The following MTOR variants were observed in gnomAD, a reference collection of about 807,000 sequenced individuals.
The protein encoded by MTOR is mechanistic target of rapamycin kinase.
Under a neutral mutation model 319.8 loss-of-function variants are expected in MTOR, and 70 were observed. That is an observed-to-expected ratio of 0.22 (90% confidence interval 0.18 to 0.27). The LOEUF (loss-of-function observed/expected upper bound fraction) is 0.27, where lower values mean the gene tolerates loss of function less well. MTOR is among the 10% of genes least tolerant of loss of function. The probability of loss-of-function intolerance (pLI) is 1.00; values close to 1 mark genes in which losing one functional copy is unlikely to be tolerated. For synonymous variants in MTOR, 1,183 were observed against 1,211.4 expected (o/e 0.98, Z 0.49); for missense variants, 1,890 against 3,274.4 (o/e 0.58, Z 10.32).
Position 11,216,699 on chromosome 1 carries a change from G to A in MTOR, c.3031-465C>T, listed in dbSNP as rs370845527. ...CACAAACTTAAATGGTGATAGTGGT[G>A]GGGACTCAAAACAATTGTCAGAGGT... On this transcript the variant is annotated intron_variant, in intron 19 of 57. Transcript: ENST00000361445. Among the ~76,000 whole-genome samples the A allele has an allele frequency of 3.2e-4, 48 of 151,916 alleles. No individual in the cohort carries two copies. In the South Asian group the frequency reaches 7.9e-3, roughly 25 times the overall value.
At chr1:11,114,716 A>G in intron 52 of MTOR, 97 bp downstream of exon 52, 1 of 1,268,154 alleles carries the variant, frequency 7.9e-7, no homozygotes, top group African/African-American at 1.5e-5. Flanking sequence ...TCACAAAGGC[A>G]CTTTGGAGAA....
rs1442424683 is a variant in MTOR, at chr1:11,109,907, A to G, written c.7367-178T>C. 6.6e-6 allele frequency among the ~76,000 whole-genome samples: 1 copy of G among 152,008 alleles called. No homozygotes were observed. Reference sequence around the variant, plus strand: ...TGTATTTCAAAGTTTTAAGCTGGACATAGCTGTAATCTCAGCTACTCAAGA... The same window carrying G: ...TGTATTTCAAAGTTTTAAGCTGGACGTAGCTGTAATCTCAGCTACTCAAGA... On this transcript the variant is annotated intron_variant, in intron 54 of 57. Coordinates refer to ENST00000361445, the MANE Select transcript of MTOR (RefSeq NM_004958.4). This position sits in a 1 kb window ranked among gnomAD's most constrained non-coding sequence, Gnocchi z 4.0.
At position 11,114,461 on chromosome 1, in the gene MTOR, T is replaced by G. The variant is rs1189369986; in HGVS notation, c.7165-8A>C. The G allele has an allele frequency of 6.2e-7, 1 of 1,614,110 alleles. No homozygotes were observed. Among genetic ancestry groups the G allele is most frequent in the Admixed American group, 1.7e-5 (1 of 60,016 alleles). On this transcript the variant is annotated splice_region_variant and splice_polypyrimidine_tract_variant and intron_variant, in intron 52 of 57. Coordinates refer to ENST00000361445, the MANE Select transcript of MTOR (RefSeq NM_004958.4). Reference sequence around the variant, plus strand: ...GCCATCCAGGCCTGTAACCTAGAAATGGGACAGAGCCACTCACCACAGGAG... The same window carrying G: ...GCCATCCAGGCCTGTAACCTAGAAAGGGGACAGAGCCACTCACCACAGGAG...
intron 36 of MTOR, among the ~76,000 whole-genome samples, chr1:11,137,152 T>TAAAAAAAA (rs33927011): frequency 9.5e-5 from 7 of 73,338 alleles, no homozygotes; most frequent in East Asian, 4.2e-4. Context: ...TAAATCTGAT[T>TAAAAAAAA]AAAAAAAAAA....
At chr1:11,124,709 A>C in intron 46 of MTOR, 76 bp from the exon 47 acceptor site, 2 of 1,515,968 alleles carry the variant, frequency 1.3e-6, no homozygotes, top group Non-Finnish European at 1.8e-6. Context: ...ACTGCATTCA[A>C]GAGATCCCAC....
intron 31 of MTOR, 30 bp downstream of exon 31, chr1:11,150,096 T>G (rs766206464): frequency 1.0e-5 from 16 of 1,582,832 alleles, no homozygotes; most frequent in Non-Finnish European, 1.3e-5. Flanking sequence ...CACCCCATCC[T>G]TCACAGGGTG....
intron 13 of MTOR, among the ~76,000 whole-genome samples, chr1:11,234,495 T>A (rs1647130264): frequency 6.6e-6 from 1 of 152,170 alleles, no homozygotes; most frequent in Non-Finnish European, 1.5e-5. Flanking sequence ...TCCCTTTCCT[T>A]TTATCACAGC....
chr1:11,151,257 G>A (rs916535923), intron 30 of MTOR, among the ~76,000 whole-genome samples: 1 of 152,148 alleles, frequency 6.6e-6, no homozygotes, highest in Non-Finnish European at 1.5e-5. Context: ...CAGCATCGCA[G>A]TACAGCAGAT....
At chr1:11,229,041 G>T in intron 18 of MTOR, 123 bp from the exon 19 acceptor site, 1 of 1,238,476 alleles carries the variant, frequency 8.1e-7, no homozygotes, top group Non-Finnish European at 1.1e-6. Flanking sequence ...TTCCTAGTAT[G>T]TTCTAACACT....
rs368844302 is a variant in MTOR, at chr1:11,247,693, G to A, written c.1157C>T (p.Ser386Leu). The A allele has an allele frequency of 1.4e-5, 23 of 1,614,192 alleles. No homozygotes were observed. Among genetic ancestry groups the A allele is most frequent in the East Asian group, 6.7e-5 (3 of 44,882 alleles). Residue 386 changes from serine to leucine, a missense_variant, in exon 8 of 58, where the codon TCG becomes TTG. Around this residue, in one of 15 missense-constraint regions of MTOR, gnomAD observed 418 missense variants for 543.1 expected, o/e 0.77. Transcript: ENST00000361445. ...ATTAAGGATTGTCATTTGGATCAGC[G>A]AGTTCTTGCTATTCCTGCATTTCAG... ...WVLKCRNSKN[S>L]LIQMTILNLL...
intron 28 of MTOR, chr1:11,189,557 T>C: frequency 1.9e-6 from 3 of 1,568,134 alleles, no homozygotes; most frequent in Non-Finnish European, 2.6e-6. Context: ...AGGAAGAGCC[T>C]TCCTCACCCA....
intron 36 of MTOR, 168 bp downstream of exon 36, chr1:11,139,135 CA>C: frequency 1.2e-6 from 1 of 822,984 alleles, no homozygotes; most frequent in East Asian, 2.5e-5. Flanking sequence ...AACTATGATT[CA>C]CTCTATGAAA....
chr1:11,259,549 G>C (rs1167804328), intron 1 of MTOR, 126 bp from the exon 2 acceptor site: 2 of 1,020,572 alleles, frequency 2.0e-6, no homozygotes, highest in Admixed American at 5.8e-5. Context: ...TAAAAAGGTT[G>C]AGAGATCTGA....
chr1:11,175,893 G>A (rs774026912), intron 28 of MTOR, among the ~76,000 whole-genome samples: 15 of 152,228 alleles, frequency 9.9e-5, no homozygotes, highest in East Asian at 7.7e-4. Flanking sequence ...ACAGGTGCGC[G>A]CCACTACTGC....
chr1:11,150,545 TC>T (rs1425992909), intron 30 of MTOR, among the ~76,000 whole-genome samples: 7 of 152,204 alleles, frequency 4.6e-5, no homozygotes, highest in Non-Finnish European at 1.0e-4. Flanking sequence ...CTGGGCTCTT[TC>T]CCTTTGGCAG....
chr1:11,185,357 C>G (rs775866042), intron 28 of MTOR, among the ~76,000 whole-genome samples: 2 of 148,786 alleles, frequency 1.3e-5, no homozygotes, highest in Non-Finnish European at 3.0e-5. Context: ...TGGAGGATCA[C>G]TTGAGCCCAG....
In MTOR at chr1:11,106,913, G is replaced by A. The variant is rs1316768960; in HGVS notation, c.*572C>T. On this transcript the variant is annotated 3_prime_UTR_variant, in exon 58 of 58. Transcript: ENST00000361445. Reference sequence around the variant, plus strand: ...AGCGTGTGAGTCGCAGCATCACTGGGTCTGATGGAAGACAGACCTTTTGTA... The same window carrying A: ...AGCGTGTGAGTCGCAGCATCACTGGATCTGATGGAAGACAGACCTTTTGTA... 2.2e-6 allele frequency: 3 copies of A among 1,368,098 alleles called. No individual in the cohort carries two copies. Among genetic ancestry groups the A allele is most frequent in the Non-Finnish European group, 2.9e-6 (3 of 1,037,854 alleles). The allele number at this position is 1,368,098 out of a possible 1,614,324, so 84.7% of individuals were successfully genotyped here.
chr1:11,194,706 T>C, intron 28 of MTOR: 2 of 1,611,972 alleles, frequency 1.2e-6, no homozygotes, highest in Non-Finnish European at 1.7e-6. Flanking sequence ...TACAAGCTCA[T>C]AATCCCACTT....
Position 11,241,586 on chromosome 1 carries a change from T to A in MTOR, c.1508A>T (p.Glu503Val), listed in dbSNP as rs2100914913. 6.2e-7 allele frequency: 1 copy of A among 1,613,910 alleles called. No individual in the cohort carries two copies. Among genetic ancestry groups the A allele is most frequent in the East Asian group, 2.2e-5 (1 of 44,868 alleles). Reference protein sequence around the residue: ...MGPGIQQDIKELLEPMLAVGL... With the variant: ...MGPGIQQDIKVLLEPMLAVGL... ...CACTGCCAGCATGGGCTCCAGCAGCTCCTTGATATCCTGCTGGATGCCTGG... is the reference window on the plus strand; with the variant it reads ...CACTGCCAGCATGGGCTCCAGCAGCACCTTGATATCCTGCTGGATGCCTGG... Residue 503 changes from glutamate to valine, a missense_variant, in exon 10 of 58, where the codon GAG becomes GTG. By Grantham distance (121) the Glu-to-Val change is moderately radical (BLOSUM62 -2). Coordinates refer to ENST00000361445, the MANE Select transcript of MTOR (RefSeq NM_004958.4).
Sources: allele counts gnomAD v4.1 joint callset (sites outside exome capture counted in the v4.1 genomes callset), GRCh38; gene constraint gnomAD v4.1.1; regional missense constraint gnomAD v4.1.1; non-coding constraint Gnocchi (gnomAD v3.1); transcripts MANE v1.5; gene names NCBI Gene and HGNC (gene_info 2026-07-23, HGNC 2026-07-21).